Variants in MAST4 observed in about 807,000 individuals in gnomAD.
MAST4 encodes microtubule-associated serine/threonine-protein kinase 4.
MAST4 carries 89 observed loss-of-function variants against 162.7 expected under a neutral mutation model. The observed-to-expected ratio is 0.55, with a 90% confidence interval of 0.46 to 0.65. The LOEUF is 0.65. Among genes scored for constraint, MAST4 ranks in the 30% least tolerant of loss-of-function variants. MAST4 has a pLI of 0.00. For missense variants in MAST4, 3,153 were observed against 3,374.0 expected, an observed-to-expected ratio of 0.93 and a Z score of 1.62; for synonymous variants, 1,479 against 1,361.1, an observed-to-expected ratio of 1.09 and a Z score of -1.91.
chr5:66,850,768 G>A (rs1045582288), intron 3 of MAST4, among the ~76,000 whole-genome samples: 4 of 152,030 alleles, frequency 2.6e-5, no homozygotes, highest in African/African-American at 9.7e-5. Context: ...GCATTTTGGA[G>A]AAGGATTACT....
intron 1 of MAST4, among the ~76,000 whole-genome samples, chr5:66,622,656 G>T (rs1033470414): frequency 5.9e-5 from 9 of 152,156 alleles, no homozygotes; most frequent in African/African-American, 2.2e-4. Context: ...ACAGGCTCAG[G>T]ATGTGTATTG....
At chr5:67,020,945 G>A (rs998097613) in intron 4 of MAST4, among the ~76,000 whole-genome samples, 4 of 152,178 alleles carry the variant, frequency 2.6e-5, no homozygotes, top group Admixed American at 6.5e-5. Flanking sequence ...CAATGACAGA[G>A]TCAAGTAGTT....
chr5:66,839,958 A>G (rs1758300835), intron 3 of MAST4, among the ~76,000 whole-genome samples: 1 of 151,806 alleles, frequency 6.6e-6, no homozygotes, highest in African/African-American at 2.4e-5. Flanking sequence ...ATTGCATCAT[A>G]TTGACAATTT....
chr5:67,048,320 T>C (rs1757626884), intron 4 of MAST4, among the ~76,000 whole-genome samples: 1 of 152,160 alleles, frequency 6.6e-6, no homozygotes, highest in Non-Finnish European at 1.5e-5. Context: ...TTGCCATGGT[T>C]AAACCTCAAA....
chr5:66,814,965 A>G (rs1756649472), intron 3 of MAST4, among the ~76,000 whole-genome samples: 1 of 152,142 alleles, frequency 6.6e-6, no homozygotes, highest in Non-Finnish European at 1.5e-5. Context: ...TAGACATCCT[A>G]GGTTTATATA....
intron 4 of MAST4, among the ~76,000 whole-genome samples, chr5:66,970,909 G>A (rs1747346674): frequency 6.6e-6 from 1 of 152,142 alleles, no homozygotes; most frequent in South Asian, 2.1e-4. Flanking sequence ...ATTGATGTAT[G>A]CCTTTTTTTC....
At chr5:67,141,172 T>C (rs1019651174) in intron 19 of MAST4, among the ~76,000 whole-genome samples, 1 of 152,178 alleles carries the variant, frequency 6.6e-6, no homozygotes, top group African/African-American at 2.4e-5. Flanking sequence ...ATGAGAGGCC[T>C]GGGTGACAAC....
intron 3 of MAST4, among the ~76,000 whole-genome samples, chr5:66,821,560 G>T (rs921306646): frequency 6.6e-6 from 1 of 152,148 alleles, no homozygotes; most frequent in Non-Finnish European, 1.5e-5. Context: ...TTCCTAAAGA[G>T]TAGCCATTAA....
chr5:67,105,134 T>C (rs1765453986), intron 10 of MAST4, among the ~76,000 whole-genome samples: 1 of 152,194 alleles, frequency 6.6e-6, no homozygotes, highest in Non-Finnish European at 1.5e-5. Flanking sequence ...TGCCTAGCAC[T>C]TGATAACACC....
chr5:66,678,578 T>A (rs1006968201), intron 1 of MAST4, among the ~76,000 whole-genome samples: 12 of 151,588 alleles, frequency 7.9e-5, no homozygotes, highest in African/African-American at 2.9e-4. Context: ...CACTGCAACC[T>A]CTGCCTCCTG....
chr5:67,001,652 G>A (rs1199607878), intron 4 of MAST4: 1 of 152,096 alleles, frequency 6.6e-6, no homozygotes, highest in Non-Finnish European at 1.5e-5. Flanking sequence ...CATTTTAGTT[G>A]CTATCATCTT....
chr5:66,715,801 CATTT>C (rs1217089627), intron 1 of MAST4, among the ~76,000 whole-genome samples: 1 of 149,410 alleles, frequency 6.7e-6, no homozygotes, highest in African/African-American at 2.5e-5. Flanking sequence ...TAAAAATACT[CATTT>C]ATGGATACAG....
chr5:66,912,457 G>A (rs2150018924), intron 4 of MAST4, among the ~76,000 whole-genome samples: 1 of 152,224 alleles, frequency 6.6e-6, no homozygotes, highest in South Asian at 2.1e-4. Flanking sequence ...CAGTCCTTGT[G>A]GATTAAAGAA....
chr5:66,953,478 A>T (rs1311032935), intron 4 of MAST4, among the ~76,000 whole-genome samples: 5 of 152,126 alleles, frequency 3.3e-5, no homozygotes, highest in African/African-American at 1.2e-4. Flanking sequence ...AGAATTCCAT[A>T]TCTAGGTTGC....
At chr5:67,142,695 G>A (rs953877866) in intron 21 of MAST4, 162 bp downstream of exon 21, 8 of 595,134 alleles carry the variant, frequency 1.3e-5, no homozygotes, top group Non-Finnish European at 2.4e-5. Flanking sequence ...TCAACTTATA[G>A]TCTGTCCCTA....
intron 3 of MAST4, among the ~76,000 whole-genome samples, chr5:66,808,092 C>G (rs1022392942): frequency 2.0e-5 from 3 of 152,238 alleles, no homozygotes; most frequent in African/African-American, 7.2e-5. Context: ...CCAATGCACT[C>G]TTTTCCCAGC....
At chr5:67,010,159 G>A (rs536124538) in intron 4 of MAST4, among the ~76,000 whole-genome samples, 1 of 152,236 alleles carries the variant, frequency 6.6e-6, no homozygotes, top group South Asian at 2.1e-4. Flanking sequence ...CCTTCATTCA[G>A]CCAGTATCCC....
At chr5:66,870,282 A>G (rs766429443) in intron 3 of MAST4, among the ~76,000 whole-genome samples, 1 of 152,202 alleles carries the variant, frequency 6.6e-6, no homozygotes, top group Non-Finnish European at 1.5e-5. Flanking sequence ...TGATGGACAC[A>G]GGAGCTTCTG....
chr5:66,790,467 G>T (rs1755347318), intron 3 of MAST4, among the ~76,000 whole-genome samples: 1 of 152,176 alleles, frequency 6.6e-6, no homozygotes, highest in South Asian at 2.1e-4. Context: ...TTTCAGGATA[G>T]TTTATGACTT....
Sources: allele counts gnomAD v4.1 joint callset (sites outside exome capture counted in the v4.1 genomes callset), GRCh38; gene constraint gnomAD v4.1.1; transcripts MANE v1.5; gene names NCBI Gene and HGNC (gene_info 2026-07-23, HGNC 2026-07-21).